GSG1L: variants seen among roughly 807,000 people sequenced by gnomAD.
The protein encoded by GSG1L is GSG1 like.
GSG1L carries 24 observed loss-of-function variants against 42.1 expected under a neutral mutation model. The ratio of observed to expected loss-of-function variants is 0.57; its 90% confidence interval spans 0.41 to 0.80. The LOEUF is 0.80. Among genes scored for constraint, GSG1L ranks in the 30% least tolerant of loss-of-function variants. GSG1L has a pLI of 0.00. For missense variants in GSG1L, 445 were observed against 472.2 expected (o/e 0.94, Z 0.53); for synonymous variants, 215 against 203.5 (o/e 1.06, Z -0.48).
rs1596625477 is a variant in GSG1L at position 27,935,332 on chromosome 16, G to A, written c.397+27824C>T. ...GTCCCATCCTGATGGGGGAATGGGG[G>A]GCTTCAGAGTCAACAATGAGGGCTC... On this transcript the variant is annotated intron_variant, in intron 2 of 6. Coordinates refer to ENST00000447459, the MANE Select transcript of GSG1L (RefSeq NM_001109763.2). Among the ~76,000 whole-genome samples the A allele has an allele frequency of 2.0e-5, 3 of 152,016 alleles. 1 individual carries two copies. In the South Asian group the frequency reaches 6.2e-4, roughly 32 times the overall value.
At chr16:27,818,567 T>C (rs2083120491) in intron 5 of GSG1L, among the ~76,000 whole-genome samples, 1 of 151,580 alleles carries the variant, frequency 6.6e-6, no homozygotes, top group African/African-American at 2.4e-5. Context: ...ATGGATGAGA[T>C]GGAGCTGTGA....
chr16:28,001,153 T>C (rs1596688799), intron 1 of GSG1L, among the ~76,000 whole-genome samples: 1 of 152,208 alleles, frequency 6.6e-6, no homozygotes, highest in African/African-American at 2.4e-5. Context: ...CACTGGCTGG[T>C]TAGCCATTTC....
At chr16:27,855,719 CAAAAAAAA>C (rs397686463) in intron 3 of GSG1L, among the ~76,000 whole-genome samples, 9 of 61,724 alleles carry the variant, frequency 1.5e-4, no homozygotes, top group African/African-American at 2.5e-4. Context: ...GACTCAGTCT[CAAAAAAAA>C]AAAAAAAAAA....
At chr16:28,000,228 G>A (rs1350960027) in intron 1 of GSG1L, among the ~76,000 whole-genome samples, 1 of 152,220 alleles carries the variant, frequency 6.6e-6, no homozygotes, top group Non-Finnish European at 1.5e-5. Context: ...AGCACTTTGG[G>A]AGGCCAAGGT....
At chr16:27,998,775 C>T (rs2085547616) in intron 1 of GSG1L, among the ~76,000 whole-genome samples, 1 of 151,868 alleles carries the variant, frequency 6.6e-6, no homozygotes, top group Non-Finnish European at 1.5e-5. Context: ...CAGAGTGAAA[C>T]CTTGTTTTTA....
rs2086194536 is a variant in GSG1L at position 28,049,010 on chromosome 16, T to C, written c.349+14066A>G. ...GGAGAAGGGTAGAACAAATCAGGCC[T>C]GGGGCCTGAGGATGCGCAGTCTCAG... is the stretch of plus-strand genomic sequence containing the variant. On this transcript the variant is annotated intron_variant, in intron 1 of 6. Coordinates refer to ENST00000447459, the MANE Select transcript of GSG1L (RefSeq NM_001109763.2). Among the ~76,000 whole-genome samples, 3 of 152,266 alleles carry C rather than the reference T, an allele frequency of 2.0e-5. No individual in the cohort carries two copies. The South Asian group carries it at 6.2e-4, about 32-fold the overall frequency.
chr16:27,888,202 C>G (rs2141028002), intron 2 of GSG1L: 1 of 841,644 alleles, frequency 1.2e-6, no homozygotes, highest in African/African-American at 1.8e-5. Context: ...TTCAACCCTG[C>G]CCACGTGGGC....
intron 6 of GSG1L, among the ~76,000 whole-genome samples, chr16:27,794,487 C>T (rs1360849892): frequency 2.6e-5 from 4 of 152,188 alleles, no homozygotes; most frequent in East Asian, 1.9e-4. Flanking sequence ...CCTGCTACCA[C>T]GCCCAGCTAA....
chr16:27,864,581 A>G (rs1019193457), intron 3 of GSG1L, among the ~76,000 whole-genome samples: 1 of 152,242 alleles, frequency 6.6e-6, no homozygotes, highest in African/African-American at 2.4e-5. Flanking sequence ...TGCAGCCACA[A>G]AGAGAAATAC....
At chr16:27,909,955 CTTTTT>C in intron 2 of GSG1L, among the ~76,000 whole-genome samples, 1 of 129,926 alleles carries the variant, frequency 7.7e-6, no homozygotes, top group Admixed American at 7.7e-5. Context: ...TCTTTTCTTT[CTTTTT>C]TTTTTTTTTT....
chr16:27,878,550 G>T (rs567651861), intron 3 of GSG1L, among the ~76,000 whole-genome samples: 1 of 152,152 alleles, frequency 6.6e-6, no homozygotes, highest in South Asian at 2.1e-4. Context: ...AGACACAGAG[G>T]TAAACCATAT....
At chr16:27,946,633 A>AGAGAGAGAG (rs2084871610) in intron 2 of GSG1L, among the ~76,000 whole-genome samples, 1 of 33,322 alleles carries the variant, frequency 3.0e-5, no homozygotes, top group African/African-American at 1.2e-4. Flanking sequence ...GAGAGAGAGA[A>AGAGAGAGAG]AGAAAGAAAG....
At chr16:27,944,694 C>T (rs1411549709) in intron 2 of GSG1L, among the ~76,000 whole-genome samples, 1 of 151,420 alleles carries the variant, frequency 6.6e-6, no homozygotes, top group Non-Finnish European at 1.5e-5. Context: ...AAACATTATG[C>T]TAAAGAGAAA....
chr16:27,999,561 T>C (rs2085559291), intron 1 of GSG1L, among the ~76,000 whole-genome samples: 1 of 152,242 alleles, frequency 6.6e-6, no homozygotes. Flanking sequence ...GCTGCATAAA[T>C]AAATTAATAC....
intron 6 of GSG1L, among the ~76,000 whole-genome samples, chr16:27,799,221 C>T (rs2082854216): frequency 6.6e-6 from 1 of 150,442 alleles, no homozygotes; most frequent in Admixed American, 6.6e-5. Flanking sequence ...CTGGGCAAGA[C>T]CCCATATCTA....
At chr16:27,907,650 GA>G (rs1249803935) in intron 2 of GSG1L, among the ~76,000 whole-genome samples, 1 of 152,250 alleles carries the variant, frequency 6.6e-6, no homozygotes, top group Admixed American at 6.5e-5. Flanking sequence ...GAAAGCTTCA[GA>G]CTGTGTGATC....
chr16:27,858,732 T>C (rs918447982), intron 3 of GSG1L, among the ~76,000 whole-genome samples: 1 of 152,204 alleles, frequency 6.6e-6, no homozygotes, highest in African/African-American at 2.4e-5. Flanking sequence ...GGCAGGAGGA[T>C]TGCTTAAGGC....
In GSG1L at chr16:27,819,076, C is replaced by T. The variant is rs143635966; in HGVS notation, c.830+9713G>A. Among the ~76,000 whole-genome samples, 58 of 152,084 alleles carry T rather than the reference C, an allele frequency of 3.8e-4. No individual in the cohort carries two copies. The East Asian group carries it at 9.5e-3, about 25-fold the overall frequency. ...CAGCCTGACCAACAAGGTGAAACCC[C>T]GTCTCTACTAAAAATACAAAAAAAT... On this transcript the variant is annotated intron_variant, in intron 5 of 6. Transcript: ENST00000447459.
intron 3 of GSG1L, among the ~76,000 whole-genome samples, chr16:27,871,476 T>C (rs1315360638): frequency 6.6e-6 from 1 of 152,190 alleles, no homozygotes; most frequent in East Asian, 1.9e-4. Flanking sequence ...ACCCCGTCTC[T>C]ACAAAAAATA....
Sources: gnomAD v4.1 joint callset for allele counts (sites outside exome capture counted in the v4.1 genomes callset) on GRCh38, gnomAD v4.1.1 for gene constraint, MANE v1.5 for transcripts, NCBI Gene and HGNC (gene_info 2026-07-23, HGNC 2026-07-21) for gene names.